Variants in CHCHD3 observed in about 807,000 individuals in gnomAD.
The protein encoded by CHCHD3 is MICOS complex subunit MIC19.
Under a neutral mutation model 38.2 loss-of-function variants are expected in CHCHD3, and 20 were observed. The observed-to-expected ratio is 0.52, with a 90% CI of 0.37 to 0.76. CHCHD3 has a LOEUF of 0.76. CHCHD3 is among the 30% of genes least tolerant of loss of function. CHCHD3 has a pLI of 0.00. For missense variants in CHCHD3, 245 were observed against 279.2 expected (o/e 0.88, Z 0.87); for synonymous variants, 82 against 100.0 (o/e 0.82, Z 1.07).
At chr7:133,081,390 G>C (rs1361580566) in intron 1 of CHCHD3, among the ~76,000 whole-genome samples, 1 of 151,986 alleles carries the variant, frequency 6.6e-6, no homozygotes, top group Non-Finnish European at 1.5e-5. Flanking sequence ...GTGGGAGGAG[G>C]GGGTGTTATC....
chr7:132,986,739 C>T (rs1812134747), intron 3 of CHCHD3, among the ~76,000 whole-genome samples: 1 of 152,208 alleles, frequency 6.6e-6, no homozygotes, highest in Non-Finnish European at 1.5e-5. Flanking sequence ...GACAAAAGTG[C>T]CCTACTCTAG....
chr7:132,869,151 C>A (rs1025645287), intron 5 of CHCHD3, among the ~76,000 whole-genome samples: 4 of 152,106 alleles, frequency 2.6e-5, no homozygotes, highest in African/African-American at 9.7e-5. Flanking sequence ...TTAGAGGGCA[C>A]CTGTATAGCA....
intron 5 of CHCHD3, among the ~76,000 whole-genome samples, chr7:132,850,115 C>T (rs1441652489): frequency 6.6e-6 from 1 of 152,142 alleles, no homozygotes; most frequent in Non-Finnish European, 1.5e-5. Context: ...TTCTCCTTTG[C>T]AGTAATGCTT....
chr7:133,035,010 G>A lies in CHCHD3; in HGVS notation c.170-10383C>T, dbSNP rs768889180. On this transcript the variant is annotated intron_variant, in intron 2 of 7. Coordinates refer to ENST00000262570, the MANE Select transcript of CHCHD3 (RefSeq NM_017812.4). The surrounding 1 kb of genome is among the most constrained non-coding windows in gnomAD (Gnocchi z 4.7). ...CTCCCAGAAATATGGCAGTGCCACA[G>A]AGAGTGTGTCCTCATTGGAGTACTT... 1.7e-5 allele frequency: 27 copies of A among 1,611,904 alleles called. No homozygotes were observed. The African/African-American group carries it at 3.6e-4, about 22-fold the overall frequency.
intron 2 of CHCHD3, among the ~76,000 whole-genome samples, chr7:133,058,655 A>G (rs1484110838): frequency 6.6e-6 from 1 of 152,188 alleles, no homozygotes; most frequent in East Asian, 1.9e-4. Context: ...ACTGACACAC[A>G]GCAATCAATA....
chr7:132,978,766 T>A (rs1051775410), intron 3 of CHCHD3, among the ~76,000 whole-genome samples: 1 of 152,084 alleles, frequency 6.6e-6, no homozygotes, highest in Non-Finnish European at 1.5e-5. Flanking sequence ...CCCTCCAACA[T>A]CAACACCTAA....
In CHCHD3 at chr7:132,805,304, T is replaced by C. The variant is rs970822316; in HGVS notation, c.525-8727A>G. 1.5e-4 allele frequency among the ~76,000 whole-genome samples: 22 copies of C among 150,344 alleles called. 1 individual carries two copies. The highest frequency in any genetic ancestry group is 5.4e-4 in the African/African-American group (22 of 40,728). On this transcript the variant is annotated intron_variant, in intron 6 of 7. Coordinates refer to ENST00000262570, the MANE Select transcript of CHCHD3 (RefSeq NM_017812.4). ...CTGTTCTGAGGGCATAACCATTCTA[T>C]TGTGCGTGGACAGTGTGGGGGAAGG...
chr7:132,969,821 A>G (rs1014296717), intron 4 of CHCHD3, among the ~76,000 whole-genome samples: 2 of 152,086 alleles, frequency 1.3e-5, no homozygotes, highest in African/African-American at 4.8e-5. Flanking sequence ...TAAAAATCAA[A>G]CCCTAAACCC....
intron 4 of CHCHD3, among the ~76,000 whole-genome samples, chr7:132,963,213 C>T (rs887488819): frequency 8.1e-5 from 12 of 148,440 alleles, no homozygotes; most frequent in African/African-American, 2.7e-4. Flanking sequence ...TGGTAAATGC[C>T]TAAAAACAGA....
intron 4 of CHCHD3, among the ~76,000 whole-genome samples, chr7:132,972,269 A>T (rs925604289): frequency 6.6e-6 from 1 of 152,240 alleles, no homozygotes; most frequent in Non-Finnish European, 1.5e-5. Flanking sequence ...CGTATTTATC[A>T]GTATAAAAAC....
chr7:132,912,566 T>C (rs1022668187), intron 4 of CHCHD3, among the ~76,000 whole-genome samples: 1 of 152,182 alleles, frequency 6.6e-6, no homozygotes, highest in Non-Finnish European at 1.5e-5. Flanking sequence ...GGATTTTTTT[T>C]TTCTTTGAGA....
At chr7:132,801,738 G>A (rs1381638878) in intron 6 of CHCHD3, among the ~76,000 whole-genome samples, 1 of 152,252 alleles carries the variant, frequency 6.6e-6, no homozygotes, top group African/African-American at 2.4e-5. Flanking sequence ...GCTTTGGCTA[G>A]CTAGAAAACA....
intron 3 of CHCHD3, among the ~76,000 whole-genome samples, chr7:132,987,319 T>A (rs1812147330): frequency 6.6e-6 from 1 of 152,104 alleles, no homozygotes; most frequent in Non-Finnish European, 1.5e-5. Context: ...GAAAAAGCCA[T>A]GAAAGTCATC....
intron 4 of CHCHD3, among the ~76,000 whole-genome samples, chr7:132,890,452 G>A (rs1585608877): frequency 1.3e-5 from 2 of 152,158 alleles, no homozygotes; most frequent in Non-Finnish European, 2.9e-5. Flanking sequence ...TTTTAGCCCT[G>A]GTTGCTCCTG....
At chr7:133,052,216 C>T (rs1265093012) in intron 2 of CHCHD3, among the ~76,000 whole-genome samples, 1 of 152,180 alleles carries the variant, frequency 6.6e-6, no homozygotes, top group African/African-American at 2.4e-5. Flanking sequence ...AACCATTCTG[C>T]AGCTACAGAC....
chr7:132,856,247 G>C (rs924834618), intron 5 of CHCHD3, among the ~76,000 whole-genome samples: 1 of 152,116 alleles, frequency 6.6e-6, no homozygotes, highest in African/African-American at 2.4e-5. Context: ...CCATCCATGA[G>C]AGACAAAGCA....
chr7:132,990,912 G>A (rs1812259999), intron 3 of CHCHD3, among the ~76,000 whole-genome samples: 1 of 148,604 alleles, frequency 6.7e-6, no homozygotes, highest in Non-Finnish European at 1.5e-5. Context: ...CTGAGAGGTG[G>A]ATGTGAGTGG....
chr7:133,036,018 C>G lies in CHCHD3; in HGVS notation c.170-11391G>C, dbSNP rs764627733. 11 of 798,868 alleles carry G rather than the reference C, an allele frequency of 1.4e-5. No homozygotes were observed. In the South Asian group the frequency reaches 1.6e-4, roughly 12 times the overall value. 49.5% of individuals were successfully genotyped at this position (798,868 alleles called of 1,614,324 possible). ...TTAATGAAACTAGTAATTAGAATACCAACTTATTCTCCATAAATAGTAACA... is the reference window on the plus strand; with the variant it reads ...TTAATGAAACTAGTAATTAGAATACGAACTTATTCTCCATAAATAGTAACA... On this transcript the variant is annotated intron_variant, in intron 2 of 7. Transcript: ENST00000262570.
At chr7:133,026,171 G>A (rs1037342942) in intron 2 of CHCHD3, among the ~76,000 whole-genome samples, 2 of 152,056 alleles carry the variant, frequency 1.3e-5, no homozygotes, top group South Asian at 4.1e-4. Flanking sequence ...AATATATAAA[G>A]AACTCTTACA....
Sources: allele counts gnomAD v4.1 joint callset (sites outside exome capture counted in the v4.1 genomes callset), GRCh38; gene constraint gnomAD v4.1.1; non-coding constraint Gnocchi (gnomAD v3.1); transcripts MANE v1.5; gene names NCBI Gene and HGNC (gene_info 2026-07-23, HGNC 2026-07-21).